Variants in EPM2A observed in about 807,000 individuals in gnomAD.
EPM2A encodes EPM2A glucan phosphatase, laforin.
EPM2A carries 21 observed loss-of-function variants against 26.5 expected under a neutral mutation model. The observed-to-expected ratio is 0.79, with a 90% CI of 0.56 to 1.14. EPM2A has a LOEUF of 1.14. Among genes scored for constraint, EPM2A ranks in the 50% most tolerant of loss-of-function variants. EPM2A has a pLI of 0.00. For synonymous variants in EPM2A, 217 were observed against 177.6 expected (o/e 1.22, Z -1.76); for missense variants, 458 against 440.8 (o/e 1.04, Z -0.35).
chr6:145,725,424 C>T (rs2128641507), intron 1 of EPM2A, among the ~76,000 whole-genome samples: 1 of 152,134 alleles, frequency 6.6e-6, no homozygotes, highest in Middle Eastern at 3.4e-3. Context: ...ATTCAGCAAA[C>T]CCACTCCTAG....
intron 2 of EPM2A, among the ~76,000 whole-genome samples, chr6:145,584,716 G>A (rs146341153): frequency 6.6e-6 from 1 of 152,064 alleles, no homozygotes. Context: ...ACTCACTGAG[G>A]GTCAGGAGCA....
intron 4 of EPM2A, among the ~76,000 whole-genome samples, chr6:145,465,183 C>CT (rs1453160803): frequency 6.6e-6 from 1 of 151,968 alleles, no homozygotes; most frequent in Non-Finnish European, 1.5e-5. Context: ...TCTTTTTATT[C>CT]TTTTTTCTCT....
At chr6:145,419,748 A>G (rs1225481835) in intron 4 of EPM2A, among the ~76,000 whole-genome samples, 1 of 152,144 alleles carries the variant, frequency 6.6e-6, no homozygotes, top group Admixed American at 6.6e-5. Flanking sequence ...AATTTTGAGG[A>G]GTTTGACAGA....
intron 2 of EPM2A, among the ~76,000 whole-genome samples, chr6:145,563,750 T>C (rs1374151589): frequency 6.6e-6 from 1 of 152,192 alleles, no homozygotes; most frequent in Non-Finnish European, 1.5e-5. Flanking sequence ...GGACAGGTTT[T>C]GGAATTCTGC....
intron 2 of EPM2A, among the ~76,000 whole-genome samples, chr6:145,598,358 C>T (rs767235955): frequency 7.3e-5 from 11 of 151,722 alleles, no homozygotes; most frequent in Non-Finnish European, 1.0e-4. Context: ...GTTTGTTGGC[C>T]CTATGTATGT....
chr6:145,669,838 A>C (rs145705242), intron 2 of EPM2A, among the ~76,000 whole-genome samples: 1 of 152,290 alleles, frequency 6.6e-6, no homozygotes, highest in Non-Finnish European at 1.5e-5. Flanking sequence ...GAGTCAGTAC[A>C]TTTATATTCC....
chr6:145,400,795 A>G (rs1162337902), intron 4 of EPM2A, among the ~76,000 whole-genome samples: 1 of 120,332 alleles, frequency 8.3e-6, no homozygotes, highest in Non-Finnish European at 1.8e-5. Context: ...ACTGTTCACC[A>G]TAAATTCTTG....
chr6:145,625,711 T>A lies in EPM2A; in HGVS notation c.*1705A>T. 1.2e-6 allele frequency: 1 copy of A among 805,320 alleles called. No individual in the cohort carries two copies. The highest frequency in any genetic ancestry group is 2.3e-6 in the Non-Finnish European group (1 of 443,730). 49.9% of individuals were successfully genotyped at this position (805,320 alleles called of 1,614,324 possible). A position where few individuals can be genotyped will look rare whatever the true frequency, so the allele number is the denominator to read the frequency against. Reference sequence around the variant, plus strand: ...TTTGTAAAATTATAGTGGAAATGTGTCCTGGCTAGCTGCCTCTGCCCAAAG... The same window carrying A: ...TTTGTAAAATTATAGTGGAAATGTGACCTGGCTAGCTGCCTCTGCCCAAAG... On this transcript the variant is annotated 3_prime_UTR_variant, in exon 4 of 4. Transcript: ENST00000367519.
At chr6:145,441,018 C>T (rs550353887) in intron 4 of EPM2A, among the ~76,000 whole-genome samples, 2 of 152,348 alleles carry the variant, frequency 1.3e-5, no homozygotes, top group South Asian at 4.1e-4. Flanking sequence ...TCCAAACCCA[C>T]ATTTTCCCTC....
At chr6:145,587,805 C>A (rs1418053622) in intron 2 of EPM2A, among the ~76,000 whole-genome samples, 1 of 152,092 alleles carries the variant, frequency 6.6e-6, no homozygotes, top group Admixed American at 6.5e-5. Flanking sequence ...ACTTTTAGTG[C>A]TTTATGAAAC....
intron 2 of EPM2A, among the ~76,000 whole-genome samples, chr6:145,577,477 A>G (rs186001475): frequency 2.1e-4 from 32 of 152,228 alleles, no homozygotes; most frequent in African/African-American, 5.8e-4. Flanking sequence ...TAAATGGGCC[A>G]ACTCAACAAA....
At chr6:145,724,395 CTA>C in intron 1 of EPM2A, among the ~76,000 whole-genome samples, 1 of 152,160 alleles carries the variant, frequency 6.6e-6, no homozygotes, top group Non-Finnish European at 1.5e-5. Context: ...GAGAAATATT[CTA>C]TGTTCATAAG....
chr6:145,540,559 A>G (rs935330000), intron 2 of EPM2A, among the ~76,000 whole-genome samples: 1 of 152,310 alleles, frequency 6.6e-6, no homozygotes, highest in African/African-American at 2.4e-5. Flanking sequence ...GCAGGAAAGG[A>G]TCTTACCGTT....
intron 1 of EPM2A, among the ~76,000 whole-genome samples, chr6:145,710,044 G>T (rs973707888): frequency 7.2e-5 from 11 of 152,062 alleles, no homozygotes; most frequent in Non-Finnish European, 1.2e-4. Context: ...TACCATTCAG[G>T]ACATAGGCAT....
chr6:145,572,733 A>T (rs889283641), intron 2 of EPM2A, among the ~76,000 whole-genome samples: 1 of 152,172 alleles, frequency 6.6e-6, no homozygotes, highest in African/African-American at 2.4e-5. Context: ...TGACACCTCA[A>T]GCACCATTGG....
At chr6:145,714,682 AAG>A (rs1415529777) in intron 1 of EPM2A, among the ~76,000 whole-genome samples, 1 of 152,220 alleles carries the variant, frequency 6.6e-6, no homozygotes, top group Non-Finnish European at 1.5e-5. Flanking sequence ...GCAGAAGGCA[AAG>A]AGAGGCAAGT....
chr6:145,394,351 C>G (rs558190448), intron 4 of EPM2A, among the ~76,000 whole-genome samples: 1 of 152,208 alleles, frequency 6.6e-6, no homozygotes, highest in South Asian at 2.1e-4. Flanking sequence ...CACTGAGCAC[C>G]AGGCTTTTAA....
At chr6:145,674,326 T>G (rs959685096) in intron 2 of EPM2A, among the ~76,000 whole-genome samples, 1 of 151,992 alleles carries the variant, frequency 6.6e-6, no homozygotes, top group Admixed American at 6.6e-5. Context: ...ACCACAAAGA[T>G]AGAGAGAAAC....
chr6:145,571,808 G>A (rs186768710), intron 2 of EPM2A, among the ~76,000 whole-genome samples: 163 of 152,274 alleles, frequency 1.1e-3, no homozygotes, highest in African/African-American at 3.8e-3. Context: ...GGCAATGACA[G>A]GGGTGGCTGG....
Sources: allele counts gnomAD v4.1 joint callset (sites outside exome capture counted in the v4.1 genomes callset), GRCh38; gene constraint gnomAD v4.1.1; transcripts MANE v1.5; gene names NCBI Gene and HGNC (gene_info 2026-07-23, HGNC 2026-07-21).